The following ATF6 variants were observed in gnomAD, a reference collection of about 807,000 sequenced individuals.
The protein encoded by ATF6 is activating transcription factor 6.
Under a neutral mutation model 83.6 loss-of-function variants are expected in ATF6, and 53 were observed. The observed-to-expected ratio is 0.63, with a 90% CI of 0.51 to 0.80. The LOEUF is 0.80. Among genes scored for constraint, ATF6 ranks in the 30% least tolerant of loss-of-function variants. ATF6 has a pLI of 0.00. For missense variants in ATF6, 744 were observed against 797.9 expected (o/e 0.93, Z 0.81); for synonymous variants, 288 against 285.8 (o/e 1.01, Z -0.08).
At chr1:161,910,230 A>G (rs531753667) in intron 14 of ATF6, among the ~76,000 whole-genome samples, 1 of 152,316 alleles carries the variant, frequency 6.6e-6, no homozygotes, top group East Asian at 1.9e-4. Context: ...TATTTTTATT[A>G]TAAGATATGT....
chr1:161,774,250 T>A (rs1281309478), intron 1 of ATF6, among the ~76,000 whole-genome samples: 8 of 152,178 alleles, frequency 5.3e-5, no homozygotes, highest in Non-Finnish European at 1.0e-4. Flanking sequence ...ATAACATCCT[T>A]TGTTTTTATA....
At chr1:161,779,159 A>G (rs1256651342) in intron 2 of ATF6, among the ~76,000 whole-genome samples, 1 of 152,138 alleles carries the variant, frequency 6.6e-6, no homozygotes, top group Non-Finnish European at 1.5e-5. Flanking sequence ...GGTTTCATTT[A>G]CTCCATGAGA....
At chr1:161,934,149 C>G (rs1038543244) in intron 15 of ATF6, among the ~76,000 whole-genome samples, 7 of 152,134 alleles carry the variant, frequency 4.6e-5, no homozygotes, top group Admixed American at 2.6e-4. Flanking sequence ...TGATAATGAT[C>G]CAGTTATGAC....
At chr1:161,851,227 A>G (rs1245476611) in intron 10 of ATF6, among the ~76,000 whole-genome samples, 3 of 67,158 alleles carry the variant, frequency 4.5e-5, no homozygotes, top group Non-Finnish European at 8.1e-5. Context: ...GTCTCACCCT[A>G]TCCTTAACAC....
chr1:161,904,090 C>A (rs527768247), intron 14 of ATF6, among the ~76,000 whole-genome samples: 1 of 152,224 alleles, frequency 6.6e-6, no homozygotes, highest in East Asian at 1.9e-4. Context: ...ATCCCAGCTT[C>A]CTATGATTAA....
chr1:161,898,147 CA>C (rs1467943774), intron 14 of ATF6, among the ~76,000 whole-genome samples: 4 of 152,142 alleles, frequency 2.6e-5, no homozygotes, highest in Non-Finnish European at 4.4e-5. Flanking sequence ...CATTGTAAGC[CA>C]AACCTTCTTA....
intron 9 of ATF6, 59 bp from the exon 10 acceptor site, chr1:161,846,390 G>A: frequency 6.6e-7 from 1 of 1,522,198 alleles, no homozygotes; most frequent in South Asian, 1.3e-5. Context: ...GCTGCATGTA[G>A]CAGGCATATG....
chr1:161,810,017 G>A (rs1231879941), intron 7 of ATF6, among the ~76,000 whole-genome samples: 4 of 152,156 alleles, frequency 2.6e-5, no homozygotes, highest in Non-Finnish European at 5.9e-5. Context: ...GTATGTACTT[G>A]TTCAGTTTTG....
intron 9 of ATF6, among the ~76,000 whole-genome samples, chr1:161,828,586 G>A (rs895254891): frequency 1.2e-4 from 19 of 152,108 alleles, no homozygotes; most frequent in African/African-American, 4.3e-4. Flanking sequence ...CAAAAGAGGG[G>A]AACAAAAGTT....
intron 7 of ATF6, 50 bp downstream of exon 7, chr1:161,802,322 C>CA (rs772961841): frequency 4.0e-6 from 6 of 1,502,170 alleles, no homozygotes; most frequent in Admixed American, 1.9e-5. Flanking sequence ...TAAAAACCAA[C>CA]AAAAAAACAC....
At chr1:161,947,165 G>T (rs1032667264) in intron 15 of ATF6, among the ~76,000 whole-genome samples, 2 of 152,220 alleles carry the variant, frequency 1.3e-5, no homozygotes, top group Admixed American at 6.5e-5. Context: ...AAGGATTACG[G>T]CAGTGGAGTC....
At chr1:161,811,791 A>ACAT (rs761935229) in intron 7 of ATF6, among the ~76,000 whole-genome samples, 104 of 151,062 alleles carry the variant, frequency 6.9e-4, no homozygotes, top group Non-Finnish European at 1.3e-3. Flanking sequence ...ATCCATCCAT[A>ACAT]TACACACACA....
At chr1:161,825,180 A>G (rs1394363896) in intron 9 of ATF6, among the ~76,000 whole-genome samples, 3 of 152,088 alleles carry the variant, frequency 2.0e-5, no homozygotes, top group Non-Finnish European at 4.4e-5. Flanking sequence ...GGCTTAAGCA[A>G]TCCCCCGATC....
At chr1:161,818,275 C>T (rs1011253524) in intron 7 of ATF6, among the ~76,000 whole-genome samples, 2 of 152,124 alleles carry the variant, frequency 1.3e-5, no homozygotes, top group African/African-American at 4.8e-5. Flanking sequence ...TAGGTTGGCG[C>T]TTTTTATGCA....
chr1:161,901,396 T>C (rs1379747321), intron 14 of ATF6, among the ~76,000 whole-genome samples: 2 of 150,836 alleles, frequency 1.3e-5, no homozygotes, highest in African/African-American at 4.9e-5. Context: ...GAAATAAAAA[T>C]TAAGAAATGT....
chr1:161,944,563 C>T (rs761848729), intron 15 of ATF6, among the ~76,000 whole-genome samples: 3 of 151,916 alleles, frequency 2.0e-5, no homozygotes, highest in African/African-American at 2.4e-5. Context: ...TCATCATTAC[C>T]GTCTGTTTGA....
At chr1:161,802,505 A>C (rs1431198485) in intron 7 of ATF6, among the ~76,000 whole-genome samples, 1 of 152,164 alleles carries the variant, frequency 6.6e-6, no homozygotes, top group African/African-American at 2.4e-5. Context: ...ATGAAAAGCA[A>C]AGTATGCATA....
Position 161,819,680 on chromosome 1 carries a change from C to A in ATF6, c.957C>A (p.Ser319=), listed in dbSNP as rs775430212. Residue 319 remains serine, a synonymous_variant, in exon 8 of 16, where the codon TCC becomes TCA. Coordinates refer to ENST00000367942, the MANE Select transcript of ATF6 (RefSeq NM_007348.4). ...AACGTATGATAAAAAATCGAGAATC[C>A]GCTTGTCAGTCTCGCAAGAAGAAGA... ...RQQRMIKNRE[S]ACQSRKKKKE... The A allele has an allele frequency of 1.9e-6, 3 of 1,609,716 alleles. No homozygotes were observed. Among genetic ancestry groups the A allele is most frequent in the Admixed American group, 1.7e-5 (1 of 59,416 alleles).
At chr1:161,849,194 A>T (rs1686555891) in intron 10 of ATF6, among the ~76,000 whole-genome samples, 1 of 152,170 alleles carries the variant, frequency 6.6e-6, no homozygotes, top group Non-Finnish European at 1.5e-5. Context: ...CACAAGACAG[A>T]TACTTTTTTT....
Sources: gnomAD v4.1 joint callset for allele counts (sites outside exome capture counted in the v4.1 genomes callset) on GRCh38, gnomAD v4.1.1 for gene constraint, MANE v1.5 for transcripts, NCBI Gene and HGNC (gene_info 2026-07-23, HGNC 2026-07-21) for gene names.